ANKRD31: variants seen among roughly 807,000 people sequenced by gnomAD.
ANKRD31 encodes ankyrin repeat domain 31.
Under a neutral mutation model 186.0 loss-of-function variants are expected in ANKRD31, and 147 were observed. The ratio of observed to expected loss-of-function variants is 0.79; its 90% CI spans 0.69 to 0.91. The LOEUF is 0.91. Ranked by LOEUF, ANKRD31 falls within the 40% of genes least tolerant of loss-of-function variation. ANKRD31 has a pLI of 0.00. For synonymous variants in ANKRD31, 673 were observed against 736.4 expected, an observed-to-expected ratio of 0.91 and a Z score of 1.39; for missense variants, 1,986 against 2,148.8, an observed-to-expected ratio of 0.92 and a Z score of 1.50.
Position 75,072,957 on chromosome 5 carries a change from A to G in ANKRD31, c.5648-4293T>C, listed in dbSNP as rs542890193. 7.8e-4 allele frequency among the ~76,000 whole-genome samples: 119 copies of G among 152,322 alleles called. 1 individual carries two copies. The highest frequency in any genetic ancestry group is 2.7e-3 in the African/African-American group (113 of 41,572). On this transcript the variant is annotated intron_variant, in intron 25 of 25. Transcript: ENST00000506364. ...CTGATATATAAATGCAGCCATCTTT[A>G]TAACTACGATAATTCCTATTGTTCC...
In ANKRD31 at chr5:75,104,613, C is replaced by T; in HGVS notation, c.4946G>A (p.Ser1649Asn). Reference sequence around the variant, plus strand: ...ATGGGCAGCATTTTCGGCAAGGACACTTGCAGTTTCTGAAATATTTAATTT... The same window carrying T: ...ATGGGCAGCATTTTCGGCAAGGACATTTGCAGTTTCTGAAATATTTAATTT... ...IGKLNISETA[S>N]VLAENAAHPS... The change falls in exon 22 of 26, where the codon AGT (serine) becomes AAT (asparagine). Residue 1649 changes from serine to asparagine, a missense_variant. Physicochemically the swap from Ser to Asn is conservative, Grantham distance 46 (BLOSUM62 1). Coordinates refer to ENST00000506364, the MANE Select transcript of ANKRD31 (RefSeq NM_001372053.1). 1 of 1,536,626 alleles carries T rather than the reference C, an allele frequency of 6.5e-7. No individual in the cohort carries two copies. Among genetic ancestry groups the T allele is most frequent in the South Asian group, 1.2e-5 (1 of 83,884 alleles).
intron 11 of ANKRD31, among the ~76,000 whole-genome samples, chr5:75,164,015 A>C (rs1752752697): frequency 6.6e-6 from 1 of 152,228 alleles, no homozygotes; most frequent in East Asian, 1.9e-4. Context: ...TATATGGCAG[A>C]AATGACAGTA....
chr5:75,216,756 A>G (rs1756984681), intron 3 of ANKRD31, among the ~76,000 whole-genome samples: 1 of 152,094 alleles, frequency 6.6e-6, no homozygotes, highest in South Asian at 2.1e-4. Context: ...CTGGTTAGCT[A>G]ACTTACTTAT....
intron 24 of ANKRD31, among the ~76,000 whole-genome samples, chr5:75,084,030 C>G (rs1745292810): frequency 1.3e-5 from 2 of 152,108 alleles, no homozygotes; most frequent in African/African-American, 4.8e-5. Flanking sequence ...GAAACAACAG[C>G]TGAGTGGGTA....
chr5:75,177,402 G>A (rs930177154), intron 10 of ANKRD31, among the ~76,000 whole-genome samples: 2 of 151,980 alleles, frequency 1.3e-5, no homozygotes, highest in African/African-American at 2.4e-5. Context: ...GATACTCCTC[G>A]AGAAGAGCAA....
intron 25 of ANKRD31, among the ~76,000 whole-genome samples, chr5:75,076,895 T>C (rs1293917818): frequency 1.3e-5 from 2 of 152,186 alleles, no homozygotes; most frequent in Non-Finnish European, 2.9e-5. Context: ...AGAAATATAA[T>C]TCTAATCAAA....
chr5:75,191,613 G>A (rs1401025255), intron 9 of ANKRD31, among the ~76,000 whole-genome samples: 2 of 152,014 alleles, frequency 1.3e-5, no homozygotes, highest in African/African-American at 4.8e-5. Flanking sequence ...TTTTTGATGA[G>A]ATCTCATGCA....
intron 19 of ANKRD31, among the ~76,000 whole-genome samples, chr5:75,116,162 A>G (rs923824433): frequency 6.7e-6 from 1 of 150,098 alleles, no homozygotes; most frequent in Admixed American, 6.7e-5. Flanking sequence ...CACAAGAACA[A>G]AAAACCAAAC....
chr5:75,224,129 T>TTATATATATATATATATATATATATATA (rs148986776), intron 2 of ANKRD31, among the ~76,000 whole-genome samples: 1 of 105,752 alleles, frequency 9.5e-6, no homozygotes, highest in Non-Finnish European at 1.9e-5. Flanking sequence ...TCAGAAATAA[T>TTATATATATATATATATATATATATATA]TATATATATA....
In ANKRD31 at chr5:75,089,911, T is replaced by A. The variant is rs573273116; in HGVS notation, c.5472+1350A>T. 5.9e-4 allele frequency among the ~76,000 whole-genome samples: 90 copies of A among 152,338 alleles called. 1 individual carries two copies. The highest frequency in any genetic ancestry group is 2.1e-3 in the African/African-American group (86 of 41,582). Reference sequence around the variant, plus strand: ...GTACAGAGTAAGGGCCAAATGATGTTACAGCCAGCTATTCAAAGGCAGGAA... The same window carrying A: ...GTACAGAGTAAGGGCCAAATGATGTAACAGCCAGCTATTCAAAGGCAGGAA... On this transcript the variant is annotated intron_variant, in intron 23 of 25. Transcript: ENST00000506364.
At chr5:75,190,689 TC>T (rs138266263) in intron 9 of ANKRD31, among the ~76,000 whole-genome samples, 8,193 of 151,786 alleles carry the variant, frequency 0.054, 517 homozygotes, top group African/African-American at 0.15. Flanking sequence ...TTTACTTTTT[TC>T]CCCCAGTTTA....
intron 5 of ANKRD31, among the ~76,000 whole-genome samples, chr5:75,205,034 T>C (rs1756073443): frequency 1.9e-5 from 2 of 106,746 alleles, no homozygotes; most frequent in Admixed American, 1.6e-4. Context: ...GCCTGGATAA[T>C]TTTGTGTGTG....
intron 10 of ANKRD31, among the ~76,000 whole-genome samples, chr5:75,169,942 T>C (rs1753199925): frequency 6.6e-6 from 1 of 151,978 alleles, no homozygotes; most frequent in Admixed American, 6.6e-5. Flanking sequence ...AAAAGTCCCC[T>C]GGGGAGGGGG....
Position 75,148,620 on chromosome 5 carries a change from T to G in ANKRD31, c.1861A>C (p.Ser621Arg). ...HQKCLTSAQR[S>R]SIDPLDIEDV... is the part of the protein sequence containing the mutation. ...TCTATGTCTAGTGGGTCAATGCTACTCCTTTGAGCTGTAAACAAAAAGAGA... is the reference window on the plus strand; with the variant it reads ...TCTATGTCTAGTGGGTCAATGCTACGCCTTTGAGCTGTAAACAAAAAGAGA... The change falls in exon 13 of 26, where the codon AGT (serine) becomes CGT (arginine). Residue 621 changes from serine to arginine, a missense_variant. Coordinates refer to ENST00000506364, the MANE Select transcript of ANKRD31 (RefSeq NM_001372053.1). The G allele has an allele frequency of 1.3e-6, 2 of 1,522,616 alleles. No homozygotes were observed. Among genetic ancestry groups the G allele is most frequent in the South Asian group, 2.5e-5 (2 of 80,942 alleles). The allele number at this position is 1,522,616 out of a possible 1,614,324, so 94.3% of individuals were successfully genotyped here.
chr5:75,203,675 AAAG>A lies in ANKRD31; in HGVS notation c.403+2733_403+2735del, dbSNP rs1425784277. 1.4e-3 allele frequency among the ~76,000 whole-genome samples: 195 copies of A among 144,084 alleles called. 2 individuals are homozygous for A. The highest frequency in any genetic ancestry group is 4.6e-3 in the African/African-American group (181 of 39,004). The allele number at this position is 144,084 out of a possible 152,430, so 94.5% of individuals were successfully genotyped here. ...GAGGATCCATCTCAAAAAAAAAAAA[AAAG>A]AAAAGAAAAGAAAAGAAAAGAAAAT... On this transcript the variant is annotated intron_variant, in intron 5 of 25. Transcript: ENST00000506364.
chr5:75,090,976 A>T (rs1745880443), intron 23 of ANKRD31, among the ~76,000 whole-genome samples: 1 of 152,246 alleles, frequency 6.6e-6, no homozygotes, highest in African/African-American at 2.4e-5. Flanking sequence ...GATTAAAGGC[A>T]TTAAAAGTTC....
At position 75,168,869 on chromosome 5, in the gene ANKRD31, A is replaced by G. The variant is rs942220766; in HGVS notation, c.1707+110T>C. ...TTATAAATTCTAAGTATTCATTAGC[A>G]GAATGAAATTAAACTAAAATTTCTG... On this transcript the variant is annotated intron_variant, in intron 11 of 25. Coordinates refer to ENST00000506364, the MANE Select transcript of ANKRD31 (RefSeq NM_001372053.1). 4 of 1,058,436 alleles carry G rather than the reference A, an allele frequency of 3.8e-6. No homozygotes were observed. In the African/African-American group the frequency reaches 4.8e-5, roughly 13 times the overall value. The allele number at this position is 1,058,436 out of a possible 1,614,324, so 65.6% of individuals were successfully genotyped here.
At chr5:75,135,307 C>T (rs557471697) in intron 17 of ANKRD31, among the ~76,000 whole-genome samples, 2 of 152,206 alleles carry the variant, frequency 1.3e-5, no homozygotes, top group African/African-American at 2.4e-5. Context: ...TGATAAGCAA[C>T]TTCAGCAAAG....
At position 75,083,731 on chromosome 5, in the gene ANKRD31, C is replaced by CAA. The variant is rs34820557; in HGVS notation, c.5575+539_5575+540dup. On this transcript the variant is annotated intron_variant, in intron 24 of 25. Coordinates refer to ENST00000506364, the MANE Select transcript of ANKRD31 (RefSeq NM_001372053.1). ...GGCAACAAGGGCAAAACTCTCGTCT[C>CAA]AAAAAAAAAAAAAGTTGGGGGGGAA... is the stretch of plus-strand genomic sequence containing the variant. 5.2e-5 allele frequency among the ~76,000 whole-genome samples: 7 copies of CAA among 133,590 alleles called. No homozygotes were observed. In the East Asian group the frequency reaches 8.5e-4, roughly 16 times the overall value. The allele number at this position is 133,590 out of a possible 152,430, so 87.6% of individuals were successfully genotyped here.
Sources: allele counts gnomAD v4.1 joint callset (sites outside exome capture counted in the v4.1 genomes callset), GRCh38; gene constraint gnomAD v4.1.1; transcripts MANE v1.5; gene names NCBI Gene and HGNC (gene_info 2026-07-23, HGNC 2026-07-21).